The following SOD2 variants were observed in gnomAD, a reference collection of about 807,000 sequenced individuals.
The protein encoded by SOD2 is superoxide dismutase 2, also known as superoxide dismutase [Mn], mitochondrial.
A neutral mutation model predicts 27.0 loss-of-function variants in SOD2; 11 were observed. That is an observed-to-expected ratio of 0.41 (90% CI 0.26 to 0.67). The LOEUF is 0.67. SOD2 is among the 30% of genes least tolerant of loss of function. SOD2 has a pLI of 0.34. For synonymous variants in SOD2, 105 were observed against 103.0 expected, an observed-to-expected ratio of 1.02 and a Z score of -0.12; for missense variants, 250 against 274.5, an observed-to-expected ratio of 0.91 and a Z score of 0.63.
chr6:159,742,494 G>T (rs920963371), intron 1 of SOD2, among the ~76,000 whole-genome samples: 1 of 152,144 alleles, frequency 6.6e-6, no homozygotes, highest in African/African-American at 2.4e-5. Flanking sequence ...TACTAGTCTA[G>T]AAGAGAAATA....
At chr6:159,757,076 G>T (rs773135531) in intron 1 of SOD2, among the ~76,000 whole-genome samples, 6 of 152,192 alleles carry the variant, frequency 3.9e-5, no homozygotes, top group Non-Finnish European at 5.9e-5. Flanking sequence ...GTAGGTAGGA[G>T]AAAATGTTTT....
Position 159,675,357 on chromosome 6 carries a change from G to A in SOD2, c.*7136C>T, listed in dbSNP as rs1370109269. 1 of 152,122 alleles carries A rather than the reference G, an allele frequency of 6.6e-6. No homozygotes were observed. The highest frequency in any genetic ancestry group is 1.5e-5 in the Non-Finnish European group (1 of 68,050). The allele number at this position is 152,122 out of a possible 1,614,324, so 9.4% of individuals were successfully genotyped here. A position where few individuals can be genotyped will look rare whatever the true frequency, so the allele number is the denominator to read the frequency against. On this transcript the variant is annotated 3_prime_UTR_variant, in exon 5 of 5. Transcript: ENST00000538183. ...ACCTGATTTCAAACTATACTACAAG[G>A]CTGCAGTAACCAAAACAGCATGGTA...
At chr6:159,744,357 A>G (rs1007567886) in intron 1 of SOD2, among the ~76,000 whole-genome samples, 3 of 152,202 alleles carry the variant, frequency 2.0e-5, no homozygotes, top group Admixed American at 2.0e-4. Context: ...TATACAAAAT[A>G]ATTAGAGGCA....
chr6:159,712,263 T>C lies in SOD2; in HGVS notation c.-116+14866A>G, dbSNP rs562791106. ...GCTCTGATCACCCTAACCACCTCCA[T>C]AACCACCACTCACATTGCTCTGATC... On this transcript the variant is annotated intron_variant, in intron 1 of 2. Coordinates refer to the SOD2 transcript ENST00000401980. Among the ~76,000 whole-genome samples, 131 of 110,794 alleles carry C rather than the reference T, an allele frequency of 1.2e-3. 2 individuals are homozygous for C. Among genetic ancestry groups the C allele is most frequent in the South Asian group, 2.0e-3 (6 of 3,026 alleles). 72.7% of individuals were successfully genotyped at this position (110,794 alleles called of 152,430 possible).
chr6:159,726,778 A>G (rs1215852380), intron 1 of SOD2: 1 of 1,288,930 alleles, frequency 7.8e-7, no homozygotes, highest in African/African-American at 1.5e-5. Flanking sequence ...GGAGGAACGA[A>G]CCCAGCGGCC....
At chr6:159,699,291 A>C (rs1293161816) in intron 1 of SOD2, among the ~76,000 whole-genome samples, 1 of 152,196 alleles carries the variant, frequency 6.6e-6, no homozygotes, top group Non-Finnish European at 1.5e-5. Context: ...ACCTTGGTCC[A>C]TCTGCCCCTT....
upstream of SOD2, among the ~76,000 whole-genome samples, chr6:159,750,121 A>G (rs1387349106): frequency 6.6e-6 from 1 of 152,158 alleles, no homozygotes; most frequent in Non-Finnish European, 1.5e-5. Flanking sequence ...AATTCTCACT[A>G]TTTGTGAGGG....
At chr6:159,761,964 G>C (rs754282854) in exon 1 of SOD2, 6 of 1,126,008 alleles carry the variant, frequency 5.3e-6, no homozygotes, top group South Asian at 2.6e-5. Flanking sequence ...GGTGGTGCGC[G>C]GGGAGGTGGA....
intron 1 of SOD2, among the ~76,000 whole-genome samples, chr6:159,698,779 T>TAA (rs1289006041): frequency 6.6e-6 from 1 of 151,572 alleles, no homozygotes; most frequent in Non-Finnish European, 1.5e-5. Flanking sequence ...ATTGTGTTCT[T>TAA]AAAGTAAGCT....
At chr6:159,727,209 G>A in exon 1 of SOD2, 2 of 1,253,362 alleles carry the variant, frequency 1.6e-6, no homozygotes, top group Non-Finnish European at 2.1e-6. Context: ...GGGAGCAGCT[G>A]CTCCATTGTG....
At chr6:159,736,315 G>T in intron 1 of SOD2, 2 of 1,592,352 alleles carry the variant, frequency 1.3e-6, no homozygotes, top group South Asian at 1.2e-5. Context: ...TTGGTTTTGG[G>T]TTTTTTTGTT....
Position 159,677,328 on chromosome 6 carries a change from G to A in SOD2, c.*5165C>T, listed in dbSNP as rs1221967688. 2.0e-5 allele frequency: 3 copies of A among 152,086 alleles called. No homozygotes were observed. Among genetic ancestry groups the A allele is most frequent in the African/African-American group, 7.2e-5 (3 of 41,394 alleles). The allele number at this position is 152,086 out of a possible 1,614,324, so 9.4% of individuals were successfully genotyped here. On this transcript the variant is annotated 3_prime_UTR_variant, in exon 5 of 5. Coordinates refer to ENST00000538183, the MANE Select transcript of SOD2 (RefSeq NM_000636.4). ...AAATTTTTTTTAACGTGTCCCAGAAGCATCTTGACAACAGAAGCACTCTCA... is the reference window on the plus strand; with the variant it reads ...AAATTTTTTTTAACGTGTCCCAGAAACATCTTGACAACAGAAGCACTCTCA...
At chr6:159,744,616 A>G (rs1187337963) in intron 1 of SOD2, among the ~76,000 whole-genome samples, 5 of 152,362 alleles carry the variant, frequency 3.3e-5, no homozygotes, top group East Asian at 1.9e-4. Flanking sequence ...AATTTCCACA[A>G]AAGCACGTAT....
intron 1 of SOD2, among the ~76,000 whole-genome samples, chr6:159,723,384 A>G (rs1388455265): frequency 2.0e-5 from 3 of 152,184 alleles, no homozygotes; most frequent in Admixed American, 6.5e-5. Flanking sequence ...ACTATGGATT[A>G]GTGTTGTTTG....
At chr6:159,692,566 G>A (rs1301363752) in intron 2 of SOD2, 95 bp downstream of exon 2, 1 of 1,567,044 alleles carries the variant, frequency 6.4e-7, no homozygotes, top group South Asian at 1.2e-5. Context: ...TACGAAGCGA[G>A]TTCTCCTCCA....
rs1346185454 is a variant in SOD2, at chr6:159,692,499, A to C, written c.226+162T>G. 6.2e-6 allele frequency: 9 copies of C among 1,455,466 alleles called. No individual in the cohort carries two copies. The South Asian group carries it at 1.2e-4, about 19-fold the overall frequency. The allele number at this position is 1,455,466 out of a possible 1,614,324, so 90.2% of individuals were successfully genotyped here. On this transcript the variant is annotated intron_variant, in intron 2 of 4. Coordinates refer to ENST00000538183, the MANE Select transcript of SOD2 (RefSeq NM_000636.4). The stretch of plus-strand genomic sequence containing the variant: ...CGAGGCACTCCTTCTACAATGAGGT[A>C]GACCATGTGTTTAAAAGAGAGACTA...
At chr6:159,760,070 G>A (rs2146162) in intron 1 of SOD2, among the ~76,000 whole-genome samples, 32,038 of 152,142 alleles carry the variant, frequency 0.21, 3,523 homozygotes, top group East Asian at 0.4. Context: ...TACATGGTAA[G>A]TTGAAAGAGG....
Position 159,681,723 on chromosome 6 carries a change from A to C in SOD2, c.*770T>G, listed in dbSNP as rs1040666188. On this transcript the variant is annotated 3_prime_UTR_variant, in exon 5 of 5. Coordinates refer to ENST00000538183, the MANE Select transcript of SOD2 (RefSeq NM_000636.4). Reference sequence around the variant, plus strand: ...TCGACTGATTTACAATTTTGCCTTTAACTTCTGCTTTCCTGAAATTTACCA... The same window carrying C: ...TCGACTGATTTACAATTTTGCCTTTCACTTCTGCTTTCCTGAAATTTACCA... 2.6e-5 allele frequency: 4 copies of C among 151,984 alleles called. No homozygotes were observed. Among genetic ancestry groups the C allele is most frequent in the Admixed American group, 2.0e-4 (3 of 15,242 alleles). 9.4% of individuals were successfully genotyped at this position (151,984 alleles called of 1,614,324 possible). A position where few individuals can be genotyped will look rare whatever the true frequency, so the allele number is the denominator to read the frequency against.
At position 159,735,330 on chromosome 6, in the gene SOD2, C is replaced by G. The variant is rs73601303; in HGVS notation, c.-116+9800G>C. 8.1e-3 allele frequency among the ~76,000 whole-genome samples: 1,228 copies of G among 152,178 alleles called. 19 individuals carry two copies. The highest frequency in any genetic ancestry group is 0.027 in the African/African-American group (1,127 of 41,530). On this transcript the variant is annotated intron_variant, in intron 1 of 3. Coordinates refer to the SOD2 transcript ENST00000537657. ...ATTTTTTTAATTTTTTGGTAGAGAC[C>G]GAGTTTCACCATGTTGGCCAGACTT...
Sources: gnomAD v4.1 joint callset for allele counts (sites outside exome capture counted in the v4.1 genomes callset) on GRCh38, gnomAD v4.1.1 for gene constraint, MANE v1.5 for transcripts, NCBI Gene and HGNC (gene_info 2026-07-23, HGNC 2026-07-21) for gene names.